The following TRIO variants were observed in gnomAD, a reference collection of about 807,000 sequenced individuals.
TRIO encodes triple functional domain protein.
TRIO carries 58 observed loss-of-function variants against 351.9 expected under a neutral mutation model. The observed-to-expected ratio is 0.16, with a 90% CI of 0.13 to 0.21. TRIO has a LOEUF of 0.21. Ranked by LOEUF, TRIO falls within the 10% of genes least tolerant of loss-of-function variation. TRIO has a pLI of 1.00. For synonymous variants in TRIO, 1,758 were observed against 1,595.7 expected (o/e 1.10, Z -2.42); for missense variants, 3,201 against 4,027.8 (o/e 0.79, Z 5.56).
chr5:14,279,023 C>G (rs1295308106), intron 2 of TRIO, among the ~76,000 whole-genome samples: 1 of 152,152 alleles, frequency 6.6e-6, no homozygotes, highest in African/African-American at 2.4e-5. Flanking sequence ...ATGATAAAAC[C>G]TCTCAACAGA....
At chr5:14,311,285 A>G (rs762924891) in intron 8 of TRIO, among the ~76,000 whole-genome samples, 1 of 152,212 alleles carries the variant, frequency 6.6e-6, no homozygotes, top group Non-Finnish European at 1.5e-5. Flanking sequence ...TTCCTTTCTG[A>G]TAATCCCAGG....
At chr5:14,333,122 G>A (rs894793178) in intron 10 of TRIO, among the ~76,000 whole-genome samples, 5 of 152,108 alleles carry the variant, frequency 3.3e-5, no homozygotes, top group Non-Finnish European at 5.9e-5. Flanking sequence ...AGCAGCACCA[G>A]AGGATGTTGG....
intron 16 of TRIO, 145 bp downstream of exon 16, chr5:14,367,124 C>G (rs1040044944): frequency 8.7e-7 from 1 of 1,155,552 alleles, no homozygotes; most frequent in Non-Finnish European, 1.2e-6. Context: ...GGCAACGCTT[C>G]TAAGTCTGCA....
rs557853003 is a variant in TRIO, at chr5:14,413,263, T to A, written c.4960-6515T>A. ...GCCTGATGAATTGTGGTGGCTCAAC[T>A]GCAAAATTCTGTGTGTGGAATGGGC... On this transcript the variant is annotated intron_variant, in intron 33 of 56. Coordinates refer to ENST00000344204, the MANE Select transcript of TRIO (RefSeq NM_007118.4). 3.9e-5 allele frequency among the ~76,000 whole-genome samples: 6 copies of A among 152,320 alleles called. No individual in the cohort carries two copies. The South Asian group carries it at 1.2e-3, about 32-fold the overall frequency.
At position 14,390,973 on chromosome 5, in the gene TRIO, G is replaced by T. The variant is rs2152364327; in HGVS notation, c.4201G>T (p.Ala1401Ser). 6.2e-7 allele frequency: 1 copy of T among 1,609,334 alleles called. No homozygotes were observed. Among genetic ancestry groups the T allele is most frequent in the Non-Finnish European group, 8.5e-7 (1 of 1,178,590 alleles). Residue 1401 changes from alanine to serine, a missense_variant, in exon 27 of 57, where the codon GCA (alanine) becomes TCA (serine). Ala to Ser is a moderately conservative substitution (Grantham distance 99, BLOSUM62 1). Around this residue, in one of 19 missense-constraint regions of TRIO, gnomAD observed 115 missense variants for 239.6 expected, o/e 0.48. Coordinates refer to ENST00000344204, the MANE Select transcript of TRIO (RefSeq NM_007118.4). ...TTCTACTCAGCTGATATTGGAACAT[G>T]CAGGGTCCTATTTTGACGTAAGTAA... ...PDSTQLILEH[A>S]GSYFDEIQQR...
intron 1 of TRIO, among the ~76,000 whole-genome samples, chr5:14,146,585 A>G: frequency 6.6e-6 from 1 of 152,260 alleles, no homozygotes; most frequent in Admixed American, 6.5e-5. Context: ...AGGGAAGTTC[A>G]GAAATAGAGT....
Position 14,400,088 on chromosome 5 carries a change from T to C in TRIO, c.4615-875T>C, listed in dbSNP as rs540470870. Among the ~76,000 whole-genome samples the C allele has an allele frequency of 1.9e-3, 292 of 152,354 alleles. 2 individuals are homozygous for C. The highest frequency in any genetic ancestry group is 3.2e-3 in the Non-Finnish European group (218 of 68,028). ...ATTCACAGGTTCCAAATGATGGTTTTCATACCATTTTGTTTGGCTTGTGTT... is the reference window on the plus strand; with the variant it reads ...ATTCACAGGTTCCAAATGATGGTTTCCATACCATTTTGTTTGGCTTGTGTT... On this transcript the variant is annotated intron_variant, in intron 30 of 56. Coordinates refer to ENST00000344204, the MANE Select transcript of TRIO (RefSeq NM_007118.4).
At chr5:14,212,638 T>G (rs377310735) in intron 1 of TRIO, among the ~76,000 whole-genome samples, 2 of 152,210 alleles carry the variant, frequency 1.3e-5, no homozygotes, top group East Asian at 1.9e-4. Context: ...GTTGGCATTA[T>G]TGAAGAAAAA....
chr5:14,392,799 C>A (rs1747212180), intron 27 of TRIO, among the ~76,000 whole-genome samples: 1 of 152,214 alleles, frequency 6.6e-6, no homozygotes, highest in Admixed American at 6.5e-5. Flanking sequence ...GTAATCCCAG[C>A]ACTTTGGGAG....
intron 1 of TRIO, among the ~76,000 whole-genome samples, chr5:14,267,064 G>A (rs30616): frequency 0.87 from 132,513 of 152,238 alleles, 57,889 homozygotes; most frequent in East Asian, 0.98. Context: ...TCTTTTCTGC[G>A]CAGTTAATAT....
At chr5:14,361,404 G>A (rs1744140803) in intron 13 of TRIO, among the ~76,000 whole-genome samples, 1 of 152,180 alleles carries the variant, frequency 6.6e-6, no homozygotes, top group Non-Finnish European at 1.5e-5. Context: ...AGAGGAAGCT[G>A]TACCTGCAGC....
In TRIO at chr5:14,497,074, G is replaced by A; in HGVS notation, c.8019+57G>A. 1 of 1,599,086 alleles carries A rather than the reference G, an allele frequency of 6.3e-7. No individual in the cohort carries two copies. The highest frequency in any genetic ancestry group is 1.3e-5 in the African/African-American group (1 of 74,370). On this transcript the variant is annotated intron_variant, in intron 50 of 56. Coordinates refer to ENST00000344204, the MANE Select transcript of TRIO (RefSeq NM_007118.4). This position sits in a 1 kb window ranked among gnomAD's most constrained non-coding sequence, Gnocchi z 4.4. The stretch of plus-strand genomic sequence containing the variant: ...ATCCCAGCATGAGAGAAAGGATCAG[G>A]GAGGGCAGAGACTCTGCAGACCTGA...
intron 8 of TRIO, among the ~76,000 whole-genome samples, chr5:14,309,319 A>G (rs1738702308): frequency 6.6e-6 from 1 of 151,992 alleles, no homozygotes; most frequent in African/African-American, 2.4e-5. Context: ...TATTTGCTCC[A>G]TTTCCCAACC....
rs1258664728 is a variant in TRIO at position 14,485,152 on chromosome 5, G to C, written c.6741G>C (p.Glu2247Asp). 5 of 1,594,212 alleles carry C rather than the reference G, an allele frequency of 3.1e-6. No individual in the cohort carries two copies. The highest frequency in any genetic ancestry group is 3.4e-5 in the Admixed American group (2 of 59,626). Residue 2247 changes from glutamate to aspartate, a missense_variant, in exon 47 of 57, where the codon GAG becomes GAC. Physicochemically the swap from Glu to Asp is conservative, Grantham distance 45. Around this residue, in one of 19 missense-constraint regions of TRIO, gnomAD observed 1,089 missense variants for 954.9 expected, o/e 1.14. Transcript: ENST00000344204. Reference sequence around the variant, plus strand: ...CATCGAGGACGGGTGACGTGGTAGAGACCTTCATTTTGCATTCATCTAGTC... The same window carrying C: ...CATCGAGGACGGGTGACGTGGTAGACACCTTCATTTTGCATTCATCTAGTC... Reference protein sequence around the residue: ...ALTSRTGDVVETFILHSSSPS... With the variant: ...ALTSRTGDVVDTFILHSSSPS...
chr5:14,482,349 TGACTGTAATTGA>T, intron 45 of TRIO: 1 of 317,150 alleles, frequency 3.2e-6, no homozygotes, highest in East Asian at 5.0e-5. Context: ...TTTTAATCTG[TGACTGTAATTGA>T]GGCGCCAGAG....
In TRIO at chr5:14,405,817, G is replaced by A. The variant is rs373885018; in HGVS notation, c.4717-31G>A. The stretch of plus-strand genomic sequence containing the variant: ...GGCAAGGTCTGGAAAGGGCCGTTCC[G>A]TATCCTAAGCAACGCTAACACCTTG... On this transcript the variant is annotated intron_variant, in intron 31 of 56. Coordinates refer to ENST00000344204, the MANE Select transcript of TRIO (RefSeq NM_007118.4). 6.2e-5 allele frequency: 99 copies of A among 1,604,176 alleles called. No individual in the cohort carries two copies. The Admixed American group carries it at 8.5e-4, about 14-fold the overall frequency.
At chr5:14,333,522 T>C (rs986666391) in intron 10 of TRIO, among the ~76,000 whole-genome samples, 1 of 152,220 alleles carries the variant, frequency 6.6e-6, no homozygotes, top group African/African-American at 2.4e-5. Flanking sequence ...CCTTGGAGGT[T>C]TTCAATATGC....
chr5:14,410,331 T>A (rs1749091670), intron 33 of TRIO, among the ~76,000 whole-genome samples: 1 of 152,176 alleles, frequency 6.6e-6, no homozygotes, highest in African/African-American at 2.4e-5. Context: ...TCCCTCCTTA[T>A]GCCTCTCCAG....
At chr5:14,473,318 C>G (rs1754818523) in intron 39 of TRIO, among the ~76,000 whole-genome samples, 1 of 152,144 alleles carries the variant, frequency 6.6e-6, no homozygotes, top group East Asian at 1.9e-4. Context: ...TATGTGTATT[C>G]TTTCATCTTT....
Sources: allele counts gnomAD v4.1 joint callset (sites outside exome capture counted in the v4.1 genomes callset), GRCh38; gene constraint gnomAD v4.1.1; regional missense constraint gnomAD v4.1.1; non-coding constraint Gnocchi (gnomAD v3.1); transcripts MANE v1.5; gene names NCBI Gene and HGNC (gene_info 2026-07-23, HGNC 2026-07-21).